ATXN10: variants seen among roughly 807,000 people sequenced by gnomAD.
ATXN10 encodes ataxin 10, also known as ataxin-10.
A neutral mutation model predicts 52.9 loss-of-function variants in ATXN10; 28 were observed. The observed-to-expected ratio is 0.53, with a 90% CI of 0.39 to 0.73. The LOEUF is 0.73. Among genes scored for constraint, ATXN10 ranks in the 30% least tolerant of loss-of-function variants. ATXN10 has a pLI of 0.00. For missense variants in ATXN10, 565 were observed against 577.0 expected (o/e 0.98, Z 0.21); for synonymous variants, 226 against 221.5 (o/e 1.02, Z -0.18).
intron 9 of ATXN10, among the ~76,000 whole-genome samples, chr22:45,751,749 A>AT (rs971610312): frequency 3.1e-4 from 21 of 67,442 alleles, no homozygotes; most frequent in East Asian, 9.4e-4. Flanking sequence ...GGAAAAAAAA[A>AT]AAAAATAAAA....
chr22:45,731,493 A>G (rs1949636060), intron 7 of ATXN10, among the ~76,000 whole-genome samples: 1 of 152,222 alleles, frequency 6.6e-6, no homozygotes, highest in African/African-American at 2.4e-5. Context: ...GATTTAAACA[A>G]TAAAAGATGA....
chr22:45,749,282 C>G (rs1348271903), intron 9 of ATXN10, among the ~76,000 whole-genome samples: 1 of 152,156 alleles, frequency 6.6e-6, no homozygotes, highest in East Asian at 1.9e-4. Flanking sequence ...GCTTGCTTTA[C>G]TGGTGAGTCA....
chr22:45,738,827 G>A lies in ATXN10; in HGVS notation c.991G>A (p.Glu331Lys). The A allele has an allele frequency of 6.2e-7, 1 of 1,613,780 alleles. No homozygotes were observed. The highest frequency in any genetic ancestry group is 8.5e-7 in the Non-Finnish European group (1 of 1,179,682). Residue 331 changes from glutamate to lysine, a missense_variant, in exon 8 of 12, where the codon GAA becomes AAA. Glu to Lys is a moderately conservative substitution (Grantham distance 56). Coordinates refer to ENST00000252934, the MANE Select transcript of ATXN10 (RefSeq NM_013236.4). ...TCTGCAGGTTTTCCCTGGCTTGCTG[G>A]AAAGAGTGATTGGTGAGTGAAATAT... ...GYLQVFPGLL[E>K]RVIDLLRVIH...
rs1926226834 is a variant in ATXN10, at chr22:45,757,717, ATT to A, written c.1173+17180_1173+17181del. 6.6e-6 allele frequency among the ~76,000 whole-genome samples: 1 copy of A among 152,182 alleles called. No individual in the cohort carries two copies. The highest frequency in any genetic ancestry group is 2.4e-5 in the African/African-American group (1 of 41,530). ...TTCATATGCTGACCTTATAAGTCAT[ATT>A]GTTTTGAAATTATATTTATTAAAAA... is the stretch of plus-strand genomic sequence containing the variant. On this transcript the variant is annotated intron_variant, in intron 9 of 11. Coordinates refer to ENST00000252934, the MANE Select transcript of ATXN10 (RefSeq NM_013236.4). The surrounding 1 kb of genome is among the most constrained non-coding windows in gnomAD (Gnocchi z 4.6).
rs1368328367 is a variant in ATXN10, at chr22:45,718,176, T to G, written c.648-237T>G. On this transcript the variant is annotated intron_variant, in intron 5 of 11. Transcript: ENST00000252934. The surrounding 1 kb of genome is among the most constrained non-coding windows in gnomAD (Gnocchi z 4.4). ...CTTCCCGTTGAATCAATTTAAATTATTTCCATAAAGCTTTCAGAAGTAAAA... is the reference window on the plus strand; with the variant it reads ...CTTCCCGTTGAATCAATTTAAATTAGTTCCATAAAGCTTTCAGAAGTAAAA... Among the ~76,000 whole-genome samples, 1 of 152,218 alleles carries G rather than the reference T, an allele frequency of 6.6e-6. No homozygotes were observed. The highest frequency in any genetic ancestry group is 1.5e-5 in the Non-Finnish European group (1 of 68,040).
rs1417946917 is a variant in ATXN10, at chr22:45,816,872, ATGTTC to A, written c.1237+9859_1237+9863del. Among the ~76,000 whole-genome samples, 3 of 152,160 alleles carry A rather than the reference ATGTTC, an allele frequency of 2.0e-5. No homozygotes were observed. In the East Asian group the frequency reaches 5.8e-4, roughly 29 times the overall value. On this transcript the variant is annotated intron_variant, in intron 10 of 11. Coordinates refer to ENST00000252934, the MANE Select transcript of ATXN10 (RefSeq NM_013236.4). This position sits in a 1 kb window ranked among gnomAD's most constrained non-coding sequence, Gnocchi z 5.8. The stretch of plus-strand genomic sequence containing the variant: ...GGAATCTTAGAATAAATGTAGGAAC[ATGTTC>A]TGTTCTGTACTCTTCTTGGTGGAGA...
In ATXN10 at chr22:45,775,239, C is replaced by T. The variant is rs980040042; in HGVS notation, c.1174-31720C>T. 1.3e-5 allele frequency among the ~76,000 whole-genome samples: 2 copies of T among 152,254 alleles called. No homozygotes were observed. The highest frequency in any genetic ancestry group is 3.4e-3 in the Middle Eastern group (1 of 294). On this transcript the variant is annotated intron_variant, in intron 9 of 11. Coordinates refer to ENST00000252934, the MANE Select transcript of ATXN10 (RefSeq NM_013236.4). This position sits in a 1 kb window ranked among gnomAD's most constrained non-coding sequence, Gnocchi z 4.7. Reference sequence around the variant, plus strand: ...CACATGGAGGACTGGGAGGGCTGGACATAACAGGAGGCTACTGGTCCTGGG... The same window carrying T: ...CACATGGAGGACTGGGAGGGCTGGATATAACAGGAGGCTACTGGTCCTGGG...
At chr22:45,778,586 T>TA (rs1265943390) in intron 9 of ATXN10, among the ~76,000 whole-genome samples, 1 of 152,224 alleles carries the variant, frequency 6.6e-6, no homozygotes, top group African/African-American at 2.4e-5. Flanking sequence ...TTGAGGTTTT[T>TA]ACTGAAATAA....
At position 45,840,548 on chromosome 22, in the gene ATXN10, G is replaced by GC. The variant is rs950729035; in HGVS notation, c.1238-2442dup. Reference sequence around the variant, plus strand: ...CAGAGACAGAGGGGAGGCCAGCGTTGCAACATTGTCAGAGGCTGAGAGATG... The same window carrying GC: ...CAGAGACAGAGGGGAGGCCAGCGTTGCCAACATTGTCAGAGGCTGAGAGATG... On this transcript the variant is annotated intron_variant, in intron 10 of 11. Transcript: ENST00000252934. The surrounding 1 kb of genome is among the most constrained non-coding windows in gnomAD (Gnocchi z 5.8). 1.3e-5 allele frequency among the ~76,000 whole-genome samples: 2 copies of GC among 152,316 alleles called. No individual in the cohort carries two copies. The highest frequency in any genetic ancestry group is 4.8e-5 in the African/African-American group (2 of 41,568).
chr22:45,821,473 C>G (rs1240619483), intron 10 of ATXN10, among the ~76,000 whole-genome samples: 1 of 152,134 alleles, frequency 6.6e-6, no homozygotes, highest in South Asian at 2.1e-4. Context: ...CCTCCTCTCC[C>G]TGCTAGGTTT....
At chr22:45,821,367 A>AC (rs1321028505) in intron 10 of ATXN10, among the ~76,000 whole-genome samples, 1 of 150,728 alleles carries the variant, frequency 6.6e-6, no homozygotes, top group Non-Finnish European at 1.5e-5. Context: ...AAAAAAAAAA[A>AC]CGAACCTAGC....
intron 7 of ATXN10, among the ~76,000 whole-genome samples, chr22:45,736,132 T>C (rs1229048764): frequency 6.6e-6 from 1 of 152,120 alleles, no homozygotes; most frequent in Non-Finnish European, 1.5e-5. Flanking sequence ...TCTAATTTTA[T>C]TTCTGTCATT....
In ATXN10 at chr22:45,724,404, A is replaced by T. The variant is rs569959678; in HGVS notation, c.729-5021A>T. ...GCATCTCATTGTGGTTTTAATTTGC[A>T]TTTCCCTGATGACTAGTGATGGTGA... On this transcript the variant is annotated intron_variant, in intron 6 of 11. Transcript: ENST00000252934. 7.2e-4 allele frequency among the ~76,000 whole-genome samples: 109 copies of T among 151,908 alleles called. 1 individual carries two copies. Among genetic ancestry groups the T allele is most frequent in the Non-Finnish European group, 1.4e-3 (98 of 67,988 alleles).
chr22:45,683,285 C>T lies in ATXN10; in HGVS notation c.117-6427C>T, dbSNP rs1923001189. Among the ~76,000 whole-genome samples, 2 of 152,204 alleles carry T rather than the reference C, an allele frequency of 1.3e-5. No homozygotes were observed. The highest frequency in any genetic ancestry group is 6.5e-5 in the Admixed American group (1 of 15,290). ...AGTGAGCTGAGATCCTGCCTCTGCA[C>T]TCCAGCCTGGGCAACAGAGCAAAAC... is the stretch of plus-strand genomic sequence containing the variant. On this transcript the variant is annotated intron_variant, in intron 1 of 11. Transcript: ENST00000252934. The surrounding 1 kb of genome is among the most constrained non-coding windows in gnomAD (Gnocchi z 4.8).
chr22:45,793,875 T>A (rs916817987), intron 9 of ATXN10: 1 of 1,277,706 alleles, frequency 7.8e-7, no homozygotes, highest in African/African-American at 1.5e-5. Flanking sequence ...GCAACTTTGA[T>A]TGAAGCAGCA....
At chr22:45,791,459 GTTA>G (rs1345317306) in intron 9 of ATXN10, among the ~76,000 whole-genome samples, 1 of 151,824 alleles carries the variant, frequency 6.6e-6, no homozygotes, top group African/African-American at 2.4e-5. Flanking sequence ...CCTTTTTGAA[GTTA>G]AAAAAGTTCT....
At position 45,702,810 on chromosome 22, in the gene ATXN10, A is replaced by G. The variant is rs1181290567; in HGVS notation, c.610A>G (p.Ile204Val). Residue 204 changes from isoleucine to valine, a missense_variant, in exon 5 of 12, where the codon ATA (isoleucine) becomes GTA (valine). By Grantham distance (29) the Ile-to-Val change is conservative. Coordinates refer to ENST00000252934, the MANE Select transcript of ATXN10 (RefSeq NM_013236.4). Reference sequence around the variant, plus strand: ...GAACCTCAATATTGCAATTGATGTCATAGATGCTTACCAAAAACATCCTGA... The same window carrying G: ...GAACCTCAATATTGCAATTGATGTCGTAGATGCTTACCAAAAACATCCTGA... ...EENLNIAIDV[I>V]DAYQKHPESE... 5 of 1,613,996 alleles carry G rather than the reference A, an allele frequency of 3.1e-6. No individual in the cohort carries two copies. The highest frequency in any genetic ancestry group is 4.2e-6 in the Non-Finnish European group (5 of 1,179,978).
In ATXN10 at chr22:45,684,741, G is replaced by C. The variant is rs188827410; in HGVS notation, c.117-4971G>C. Among the ~76,000 whole-genome samples the C allele has an allele frequency of 1.8e-3, 273 of 152,286 alleles. 1 individual carries two copies. The highest frequency in any genetic ancestry group is 5.9e-3 in the African/African-American group (245 of 41,554). ...TGGTCTGGGTTGTCAGGACGGCTTC[G>C]GAATCCTGGATGTGACAGAAGAGGA... On this transcript the variant is annotated intron_variant, in intron 1 of 11. Transcript: ENST00000252934. This position sits in a 1 kb window ranked among gnomAD's most constrained non-coding sequence, Gnocchi z 4.1.
chr22:45,677,952 T>C lies in ATXN10; in HGVS notation c.116+5773T>C, dbSNP rs951109364. 6.6e-6 allele frequency: 1 copy of C among 152,204 alleles called. No individual in the cohort carries two copies. Among genetic ancestry groups the C allele is most frequent in the African/African-American group, 2.4e-5 (1 of 41,460 alleles). The allele number at this position is 152,204 out of a possible 1,614,324, so 9.4% of individuals were successfully genotyped here. On this transcript the variant is annotated intron_variant, in intron 1 of 11. Coordinates refer to ENST00000252934, the MANE Select transcript of ATXN10 (RefSeq NM_013236.4). This position sits in a 1 kb window ranked among gnomAD's most constrained non-coding sequence, Gnocchi z 4.1. ...GAATATGACCAAGCAGTTTTACTCT[T>C]AGGTATGTGCCCGAAGAAAATGAAA...
Sources: allele counts gnomAD v4.1 joint callset (sites outside exome capture counted in the v4.1 genomes callset), GRCh38; gene constraint gnomAD v4.1.1; non-coding constraint Gnocchi (gnomAD v3.1); transcripts MANE v1.5; gene names NCBI Gene and HGNC (gene_info 2026-07-23, HGNC 2026-07-21).